The following CCDC6 variants were observed in gnomAD, a reference collection of about 807,000 sequenced individuals.
CCDC6 encodes the protein coiled-coil domain-containing protein 6.
A neutral mutation model predicts 56.6 loss-of-function variants in CCDC6; 20 were observed. The observed-to-expected ratio is 0.35, with a 90% confidence interval of 0.25 to 0.51. CCDC6 has a LOEUF of 0.51. Ranked by LOEUF, CCDC6 falls within the 20% of genes least tolerant of loss-of-function variation. CCDC6 has a pLI of 0.95. For synonymous variants in CCDC6, 241 were observed against 234.4 expected (o/e 1.03, Z -0.26); for missense variants, 367 against 601.1 (o/e 0.61, Z 4.07).
intron 6 of CCDC6, chr10:59,805,258 C>T (rs12264827): frequency 0.089 from 13,579 of 152,250 alleles, 1,031 homozygotes; most frequent in African/African-American, 0.2. Context: ...AGCGACCCAC[C>T]CTAGTGGCAC....
chr10:59,892,297 C>T (rs1002643639), intron 1 of CCDC6, among the ~76,000 whole-genome samples: 1 of 152,164 alleles, frequency 6.6e-6, no homozygotes, highest in African/African-American at 2.4e-5. Flanking sequence ...TGTAACTGAC[C>T]TATAGGGAAA....
At chr10:59,838,317 TG>T (rs1291144487) in intron 2 of CCDC6, among the ~76,000 whole-genome samples, 1 of 152,178 alleles carries the variant, frequency 6.6e-6, no homozygotes, top group Non-Finnish European at 1.5e-5. Flanking sequence ...TTTGGGCTAC[TG>T]CCAAAACCTC....
At chr10:59,797,117 C>T (rs867587934) in intron 7 of CCDC6, among the ~76,000 whole-genome samples, 6 of 152,034 alleles carry the variant, frequency 3.9e-5, no homozygotes, top group South Asian at 2.1e-4. Context: ...ATATTAACCT[C>T]GAGAATATTA....
At chr10:59,834,459 T>A (rs924887156) in intron 2 of CCDC6, among the ~76,000 whole-genome samples, 1 of 151,078 alleles carries the variant, frequency 6.6e-6, no homozygotes, top group African/African-American at 2.4e-5. Context: ...GGCAGGAGAA[T>A]CCCTTGAACC....
intron 1 of CCDC6, among the ~76,000 whole-genome samples, chr10:59,877,339 G>A (rs891555476): frequency 3.3e-5 from 5 of 152,184 alleles, no homozygotes; most frequent in Non-Finnish European, 2.9e-5. Context: ...ATGACTCAAC[G>A]TAGTACAGAA....
At chr10:59,812,079 AAAAC>A (rs1175226733) in intron 5 of CCDC6, among the ~76,000 whole-genome samples, 87 of 128,340 alleles carry the variant, frequency 6.8e-4, no homozygotes, top group African/African-American at 2.7e-3. Flanking sequence ...AAAAAAAAAA[AAAAC>A]CACAAATAGG....
chr10:59,846,550 A>T (rs1345616682), intron 2 of CCDC6, among the ~76,000 whole-genome samples: 1 of 152,244 alleles, frequency 6.6e-6, no homozygotes, highest in African/African-American at 2.4e-5. Context: ...TATCATCTTA[A>T]TAAGAGATCC....
At chr10:59,813,955 G>T (rs976446707) in intron 4 of CCDC6, among the ~76,000 whole-genome samples, 4 of 152,102 alleles carry the variant, frequency 2.6e-5, no homozygotes, top group Non-Finnish European at 5.9e-5. Flanking sequence ...TGGTGAAGTA[G>T]ATTAATGACC....
chr10:59,876,588 GGA>G (rs1491529862), intron 1 of CCDC6, among the ~76,000 whole-genome samples: 154 of 120,752 alleles, frequency 1.3e-3, no homozygotes, highest in African/African-American at 5.1e-3. Context: ...CTGTTAAGGG[GGA>G]AAAAAAAAAA....
At chr10:59,810,246 T>C (rs974985618) in intron 5 of CCDC6, among the ~76,000 whole-genome samples, 4 of 152,180 alleles carry the variant, frequency 2.6e-5, no homozygotes, top group Admixed American at 6.5e-5. Context: ...GAATGGATGA[T>C]GAAAAGTCAC....
At chr10:59,806,817 T>C (rs1411894756) in intron 6 of CCDC6, 105 bp downstream of exon 6, 2 of 977,778 alleles carry the variant, frequency 2.0e-6, no homozygotes, top group Non-Finnish European at 3.0e-6. Context: ...TAAATACATA[T>C]TTAAGCCATC....
At chr10:59,818,527 CTCTG>C (rs949333006) in intron 3 of CCDC6, among the ~76,000 whole-genome samples, 1 of 143,244 alleles carries the variant, frequency 7.0e-6, no homozygotes, top group Non-Finnish European at 1.5e-5. Flanking sequence ...TCAGTGGGGC[CTCTG>C]TCTATGTAGG....
chr10:59,841,505 T>C (rs953089104), intron 2 of CCDC6, among the ~76,000 whole-genome samples: 1 of 151,824 alleles, frequency 6.6e-6, no homozygotes, highest in African/African-American at 2.4e-5. Context: ...TACCTGTAGA[T>C]TCTTAAGATT....
chr10:59,862,179 C>A (rs772270735), intron 1 of CCDC6, among the ~76,000 whole-genome samples: 6 of 151,974 alleles, frequency 3.9e-5, no homozygotes, highest in Non-Finnish European at 5.9e-5. Context: ...ACATAAAGAA[C>A]AACTTGATAA....
chr10:59,842,632 G>T (rs187071325), intron 2 of CCDC6, among the ~76,000 whole-genome samples: 70 of 152,148 alleles, frequency 4.6e-4, no homozygotes, highest in African/African-American at 1.6e-3. Flanking sequence ...GCTCATGATT[G>T]AGGCTGTAGT....
At chr10:59,864,528 T>G (rs191807965) in intron 1 of CCDC6, among the ~76,000 whole-genome samples, 2 of 152,046 alleles carry the variant, frequency 1.3e-5, no homozygotes, top group Non-Finnish European at 2.9e-5. Flanking sequence ...TTCTGCGGGG[T>G]GTAGGAGGGC....
intron 1 of CCDC6, among the ~76,000 whole-genome samples, chr10:59,873,927 GT>G: frequency 6.6e-6 from 1 of 152,134 alleles, no homozygotes; most frequent in East Asian, 1.9e-4. Flanking sequence ...GAGAATGAAT[GT>G]TCCCCATTCC....
intron 7 of CCDC6, among the ~76,000 whole-genome samples, chr10:59,800,906 A>C (rs1203549163): frequency 6.6e-6 from 1 of 151,860 alleles, no homozygotes; most frequent in East Asian, 1.9e-4. Context: ...AAAAGCCAAA[A>C]TTCTAAGATT....
At chr10:59,883,103 G>A (rs1206506632) in intron 1 of CCDC6, among the ~76,000 whole-genome samples, 2 of 152,100 alleles carry the variant, frequency 1.3e-5, no homozygotes, top group Non-Finnish European at 2.9e-5. Context: ...TGAGTCCCAG[G>A]GACTTGGAAG....
Sources: gnomAD v4.1 joint callset for allele counts (sites outside exome capture counted in the v4.1 genomes callset) on GRCh38, gnomAD v4.1.1 for gene constraint, MANE v1.5 for transcripts, NCBI Gene and HGNC (gene_info 2026-07-23, HGNC 2026-07-21) for gene names.